Variants in RCBTB1 observed in about 807,000 individuals in gnomAD.
The protein encoded by RCBTB1 is RCC1 and BTB domain containing protein 1.
A neutral mutation model predicts 62.4 loss-of-function variants in RCBTB1; 46 were observed. The ratio of observed to expected loss-of-function variants is 0.74; its 90% CI spans 0.58 to 0.94. RCBTB1 has a LOEUF of 0.94. Among genes scored for constraint, RCBTB1 ranks in the 40% least tolerant of loss-of-function variants. The probability of loss-of-function intolerance (pLI) is 0.00; values close to 1 mark genes in which losing one functional copy is unlikely to be tolerated. For missense variants in RCBTB1, 565 were observed against 654.9 expected (o/e 0.86, Z 1.50); for synonymous variants, 222 against 245.8 (o/e 0.90, Z 0.91).
intron 5 of RCBTB1, among the ~76,000 whole-genome samples, chr13:49,557,802 A>T (rs555828902): frequency 6.6e-6 from 1 of 152,320 alleles, no homozygotes; most frequent in South Asian, 2.1e-4. Flanking sequence ...ACTGCCATCA[A>T]AAGTGTAATC....
chr13:49,582,185 A>AAGCAGAAGTGC lies in RCBTB1; in HGVS notation c.-121-1612_-121-1602dup, dbSNP rs1414975566. Among the ~76,000 whole-genome samples, 8 of 152,358 alleles carry AAGCAGAAGTGC rather than the reference A, an allele frequency of 5.3e-5. No homozygotes were observed. In the South Asian group the frequency reaches 1.5e-3, roughly 28 times the overall value. On this transcript the variant is annotated intron_variant, in intron 1 of 12. Transcript: ENST00000378302. ...AGAAAGTAGCAGGGAATGGGATCTG[A>AAGCAGAAGTGC]AGCAGAAGTGCAACAGAAGCGCCGG... is the stretch of plus-strand genomic sequence containing the variant.
At chr13:49,585,176 G>A (rs1964328032) in intron 1 of RCBTB1, among the ~76,000 whole-genome samples, 1 of 152,162 alleles carries the variant, frequency 6.6e-6, no homozygotes, top group African/African-American at 2.4e-5. Flanking sequence ...AGAGAGGGAG[G>A]CAGGGAAAAC....
In RCBTB1 at chr13:49,551,430, A is replaced by C; in HGVS notation, c.750T>G (p.Asp250Glu). The C allele has an allele frequency of 6.2e-7, 1 of 1,614,236 alleles. No individual in the cohort carries two copies. The highest frequency in any genetic ancestry group is 8.5e-7 in the Non-Finnish European group (1 of 1,180,038). Reference protein sequence around the residue: ...CGYAHTLALTDEGLLYAWGAN... With the variant: ...CGYAHTLALTEEGLLYAWGAN... ...CTCCCCAGGCATACAGCAAGCCCTC[A>C]TCTGTTAGTGCTAGAGTATGTGCGT... Residue 250 changes from aspartate to glutamate, a missense_variant, in exon 8 of 13, where the codon GAT becomes GAG. Asp to Glu is a conservative substitution (Grantham distance 45). Transcript: ENST00000378302.
At chr13:49,557,295 A>T (rs1320140635) in intron 5 of RCBTB1, among the ~76,000 whole-genome samples, 2 of 152,210 alleles carry the variant, frequency 1.3e-5, no homozygotes, top group African/African-American at 4.8e-5. Flanking sequence ...GCAGGAAATG[A>T]CAAGACTTGA....
At chr13:49,544,433 C>A (rs945314271) in intron 10 of RCBTB1, among the ~76,000 whole-genome samples, 9 of 152,178 alleles carry the variant, frequency 5.9e-5, no homozygotes, top group African/African-American at 2.2e-4. Context: ...CGTGCCACTG[C>A]ACTCCAGCCT....
intron 2 of RCBTB1, among the ~76,000 whole-genome samples, chr13:49,573,447 T>TC (rs1477419398): frequency 9.9e-6 from 1 of 100,910 alleles, no homozygotes; most frequent in Non-Finnish European, 2.2e-5. Flanking sequence ...CAATTCCTCA[T>TC]CTTTTTTTTT....
rs776103256 is a variant in RCBTB1, at chr13:49,541,670, C to G, written c.1324+6G>C. On this transcript the variant is annotated splice_donor_region_variant and intron_variant, in intron 11 of 12. Transcript: ENST00000378302. ...CGGCTCGTCCATCCCAATGCTACCA[C>G]AGTACCTATAGCATCTTCTGGCGGC... 6.2e-7 allele frequency: 1 copy of G among 1,606,002 alleles called. No individual in the cohort carries two copies. Among genetic ancestry groups the G allele is most frequent in the South Asian group, 1.1e-5 (1 of 89,396 alleles).
At chr13:49,570,305 G>C (rs999089677) in intron 2 of RCBTB1, among the ~76,000 whole-genome samples, 1 of 152,182 alleles carries the variant, frequency 6.6e-6, no homozygotes, top group Admixed American at 6.5e-5. Flanking sequence ...CATAATGATG[G>C]GGCATTATTA....
chr13:49,540,301 ACT>A (rs1960248109), intron 12 of RCBTB1, among the ~76,000 whole-genome samples: 2 of 152,154 alleles, frequency 1.3e-5, no homozygotes, highest in Admixed American at 1.3e-4. Flanking sequence ...ATGCACACAA[ACT>A]TTCAGACTCC....
intron 2 of RCBTB1, among the ~76,000 whole-genome samples, chr13:49,569,718 C>CA (rs111570905): frequency 2.1e-3 from 278 of 131,718 alleles, no homozygotes; most frequent in African/African-American, 5.5e-3. Context: ...GACCCTGTCT[C>CA]AAAAAAAAAA....
chr13:49,565,864 C>T (rs1014258214), intron 4 of RCBTB1, among the ~76,000 whole-genome samples: 1 of 151,810 alleles, frequency 6.6e-6, no homozygotes, highest in Non-Finnish European at 1.5e-5. Flanking sequence ...CAGATTGTTG[C>T]TGTGTCTGTG....
rs746432143 is a variant in RCBTB1, at chr13:49,552,134, G to A, written c.711+44C>T. On this transcript the variant is annotated intron_variant, in intron 7 of 12. Transcript: ENST00000378302. ...CAATATTTCTCCAAGTTAGAGCAAG[G>A]AAGGTAGATGGGAAGCCACTAACTG... 5 of 1,239,030 alleles carry A rather than the reference G, an allele frequency of 4.0e-6. No individual in the cohort carries two copies. In the South Asian group the frequency reaches 5.1e-5, roughly 13 times the overall value. The allele number at this position is 1,239,030 out of a possible 1,614,324, so 76.8% of individuals were successfully genotyped here.
Position 49,540,856 on chromosome 13 carries a change from C to A in RCBTB1, c.1455+20G>T. 1 of 1,609,720 alleles carries A rather than the reference C, an allele frequency of 6.2e-7. No homozygotes were observed. The highest frequency in any genetic ancestry group is 8.5e-7 in the Non-Finnish European group (1 of 1,178,698). On this transcript the variant is annotated intron_variant, in intron 12 of 12. Coordinates refer to ENST00000378302, the MANE Select transcript of RCBTB1 (RefSeq NM_018191.4). Reference sequence around the variant, plus strand: ...AAGGGAGTTAAAGGTGGTCTGGTTTCTGTTTGTTGTTTAAGTTACCTCTGC... The same window carrying A: ...AAGGGAGTTAAAGGTGGTCTGGTTTATGTTTGTTGTTTAAGTTACCTCTGC...
intron 1 of RCBTB1, among the ~76,000 whole-genome samples, chr13:49,584,006 T>C (rs9568269): frequency 0.078 from 11,865 of 152,264 alleles, 552 homozygotes; most frequent in East Asian, 0.16. Flanking sequence ...ATCATCATAA[T>C]AAAGGTCCTC....
intron 12 of RCBTB1, among the ~76,000 whole-genome samples, chr13:49,538,709 C>G (rs1214802955): frequency 1.3e-5 from 2 of 151,404 alleles, no homozygotes; most frequent in Non-Finnish European, 2.9e-5. Context: ...GAACAAGACC[C>G]TGTATCACCA....
chr13:49,537,176 A>G (rs1960005952), intron 12 of RCBTB1, among the ~76,000 whole-genome samples: 1 of 152,204 alleles, frequency 6.6e-6, no homozygotes, highest in Non-Finnish European at 1.5e-5. Context: ...TCCAGATGAC[A>G]CAAGATCACG....
chr13:49,534,093 A>T lies in RCBTB1; in HGVS notation c.*29T>A, dbSNP rs761228187. The T allele has an allele frequency of 4.4e-6, 7 of 1,607,358 alleles. No individual in the cohort carries two copies. The Admixed American group carries it at 1.2e-4, about 27-fold the overall frequency. ...CACATCCTCAACAGTGCCCCAGAGC[A>T]CTCACACAGAACCCAGCAGCCTTGC... On this transcript the variant is annotated 3_prime_UTR_variant, in exon 13 of 13. Coordinates refer to ENST00000378302, the MANE Select transcript of RCBTB1 (RefSeq NM_018191.4).
intron 4 of RCBTB1, among the ~76,000 whole-genome samples, chr13:49,560,612 ATT>A (rs60783473): frequency 1.6e-3 from 241 of 148,106 alleles, no homozygotes; most frequent in Middle Eastern, 3.4e-3. Context: ...ATCTGGCTGA[ATT>A]TTTTTTTTTT....
At chr13:49,565,304 C>G (rs1018781665) in intron 4 of RCBTB1, among the ~76,000 whole-genome samples, 1 of 152,188 alleles carries the variant, frequency 6.6e-6, no homozygotes, top group Non-Finnish European at 1.5e-5. Flanking sequence ...GACGGAGTCT[C>G]GTTCACTCAG....
Sources: allele counts gnomAD v4.1 joint callset (sites outside exome capture counted in the v4.1 genomes callset), GRCh38; gene constraint gnomAD v4.1.1; transcripts MANE v1.5; gene names NCBI Gene and HGNC (gene_info 2026-07-23, HGNC 2026-07-21).